The following MIGA2 variants were observed in gnomAD, a reference collection of about 807,000 sequenced individuals.
The protein encoded by MIGA2 is mitoguardin 2.
A neutral mutation model predicts 69.9 loss-of-function variants in MIGA2; 36 were observed. That is an observed-to-expected ratio of 0.52 (90% CI 0.39 to 0.68). The LOEUF (loss-of-function observed/expected upper bound fraction) is 0.68, where lower values mean the gene tolerates loss of function less well. Among genes scored for constraint, MIGA2 ranks in the 30% least tolerant of loss-of-function variants. The pLI is 0.00. For synonymous variants in MIGA2, 333 were observed against 349.2 expected, an observed-to-expected ratio of 0.95 and a Z score of 0.52; for missense variants, 660 against 787.7, an observed-to-expected ratio of 0.84 and a Z score of 1.94.
In MIGA2 at chr9:129,052,106, G is replaced by A. The variant is rs1299525336; in HGVS notation, c.675+2143G>A. ...CTCCCAAAGTGCTGGGATTATAGGC[G>A]TGAGCCACCGCGCCCAGCCTGTAAT... On this transcript the variant is annotated intron_variant, in intron 6 of 15. Coordinates refer to ENST00000684074, the MANE Select transcript of MIGA2 (RefSeq NM_001329990.2). 4.9e-5 allele frequency among the ~76,000 whole-genome samples: 7 copies of A among 142,328 alleles called. No homozygotes were observed. In the East Asian group the frequency reaches 1.3e-3, roughly 27 times the overall value. The allele number at this position is 142,328 out of a possible 152,430, so 93.4% of individuals were successfully genotyped here. A position where few individuals can be genotyped will look rare whatever the true frequency, so the allele number is the denominator to read the frequency against.
intron 1 of MIGA2, among the ~76,000 whole-genome samples, chr9:129,037,534 G>C (rs925422692): frequency 1.3e-5 from 2 of 152,136 alleles, no homozygotes; most frequent in African/African-American, 4.8e-5. Context: ...CGGACAGGGT[G>C]CCAGGGGGAC....
At position 129,049,940 on chromosome 9, in the gene MIGA2, A is replaced by G. The variant is rs1203885937; in HGVS notation, c.652A>G (p.Thr218Ala). 1 of 1,613,350 alleles carries G rather than the reference A, an allele frequency of 6.2e-7. No individual in the cohort carries two copies. Among genetic ancestry groups the G allele is most frequent in the Non-Finnish European group, 8.5e-7 (1 of 1,179,896 alleles). ...CAGGGACGGCCTCCGGAACCCAGAGACTGCATCAGAGCCACTGTCTGAGGT... is the reference window on the plus strand; with the variant it reads ...CAGGGACGGCCTCCGGAACCCAGAGGCTGCATCAGAGCCACTGTCTGAGGT... ...MPRDGLRNPE[T>A]ASEPLSEPES... is the part of the protein sequence containing the mutation. The change falls in exon 6 of 16, where the codon ACT (threonine) becomes GCT (alanine). Residue 218 changes from threonine to alanine, a missense_variant. By Grantham distance (58) the Thr-to-Ala change is moderately conservative (BLOSUM62 0). Transcript: ENST00000684074.
chr9:129,050,157 A>G (rs1301081052), intron 6 of MIGA2, among the ~76,000 whole-genome samples, 194 bp downstream of exon 6: 1 of 152,250 alleles, frequency 6.6e-6, no homozygotes, highest in Non-Finnish European at 1.5e-5. Flanking sequence ...TGGTAAAAAC[A>G]GCCGTACTGA....
intron 15 of MIGA2, 138 bp downstream of exon 15, chr9:129,070,103 A>C: frequency 8.1e-7 from 1 of 1,234,494 alleles, no homozygotes; most frequent in Non-Finnish European, 1.2e-6. Flanking sequence ...ACATGGGTCC[A>C]GAGGAAGCAG....
At chr9:129,049,329 C>G in intron 4 of MIGA2, 52 bp from the exon 5 acceptor site, 1 of 1,566,918 alleles carries the variant, frequency 6.4e-7, no homozygotes, top group South Asian at 1.1e-5. Flanking sequence ...GGGGGCCCTG[C>G]AGAGAGCCCG....
chr9:129,043,021 C>T (rs144874666), intron 3 of MIGA2, among the ~76,000 whole-genome samples: 28 of 152,136 alleles, frequency 1.8e-4, no homozygotes, highest in African/African-American at 6.0e-4. Flanking sequence ...GGTGAAACCC[C>T]GTCTCTACTA....
At chr9:129,047,869 G>A (rs1350370205) in intron 3 of MIGA2, among the ~76,000 whole-genome samples, 1 of 151,894 alleles carries the variant, frequency 6.6e-6, no homozygotes, top group Non-Finnish European at 1.5e-5. Flanking sequence ...AGCTGGGGCT[G>A]CAGGCCACGC....
At position 129,063,584 on chromosome 9, in the gene MIGA2, A is replaced by C. The variant is rs770674869; in HGVS notation, c.1123A>C (p.Lys375Gln). ...EDKSNQLFFG[K>Q]VGRQMVTGLM... Reference sequence around the variant, plus strand: ...CAAGAGTAACCAGCTTTTCTTCGGGAAAGTGGGCCGACAGATGGTGACAGG... The same window carrying C: ...CAAGAGTAACCAGCTTTTCTTCGGGCAAGTGGGCCGACAGATGGTGACAGG... Residue 375 changes from lysine to glutamine, a missense_variant, in exon 11 of 16, where the codon AAA becomes CAA. Physicochemically the swap from Lys to Gln is moderately conservative, Grantham distance 53. This residue lies in a region of MIGA2 where 220 missense variants were observed against 301.7 expected (regional missense o/e 0.73). Transcript: ENST00000684074. The C allele has an allele frequency of 1.9e-6, 3 of 1,609,150 alleles. No individual in the cohort carries two copies. The Admixed American group carries it at 5.0e-5, about 27-fold the overall frequency.
chr9:129,068,992 G>A lies in MIGA2; in HGVS notation c.1405-84G>A. The stretch of plus-strand genomic sequence containing the variant: ...TGGAGTGGGGTGAGCTGGGTTTAAG[G>A]GCTTGGTGCTGGGCTGGCAGAGGGC... On this transcript the variant is annotated intron_variant, in intron 13 of 15. Coordinates refer to ENST00000684074, the MANE Select transcript of MIGA2 (RefSeq NM_001329990.2). This position sits in a 1 kb window ranked among gnomAD's most constrained non-coding sequence, Gnocchi z 4.1. The A allele has an allele frequency of 6.5e-7, 1 of 1,533,258 alleles. No homozygotes were observed. The highest frequency in any genetic ancestry group is 1.1e-5 in the South Asian group (1 of 89,250). 95.0% of individuals were successfully genotyped at this position (1,533,258 alleles called of 1,614,324 possible). A position where few individuals can be genotyped will look rare whatever the true frequency, so the allele number is the denominator to read the frequency against.
In MIGA2 at chr9:129,061,749, CA is replaced by C. The variant is rs1340268350; in HGVS notation, c.1010+404del. ...CCATATGAAAACAAAAGTAAATTCT[CA>C]GCGGGTACAGCCACAGCCACACAGG... is the stretch of plus-strand genomic sequence containing the variant. On this transcript the variant is annotated intron_variant, in intron 9 of 15. Transcript: ENST00000684074. The surrounding 1 kb of genome is among the most constrained non-coding windows in gnomAD (Gnocchi z 5.0). Among the ~76,000 whole-genome samples the C allele has an allele frequency of 6.6e-6, 1 of 152,154 alleles. No individual in the cohort carries two copies. Among genetic ancestry groups the C allele is most frequent in the Non-Finnish European group, 1.5e-5 (1 of 68,028 alleles).
In MIGA2 at chr9:129,067,818, G is replaced by A. The variant is rs979185093; in HGVS notation, c.1216G>A (p.Ala406Thr). ...LESYEEMLSY[A>T]LRPETWATTR... The stretch of plus-strand genomic sequence containing the variant: ...GAGCTACGAGGAGATGCTGAGCTAT[G>A]CCCTGCGGCCCGAGACCTGGGCCAC... The change falls in exon 12 of 16, where the codon GCC (alanine) becomes ACC (threonine). Residue 406 changes from alanine (A) to threonine (T), a missense_variant. Ala to Thr is a moderately conservative substitution (Grantham distance 58). Transcript: ENST00000684074. The A allele has an allele frequency of 1.2e-6, 2 of 1,613,288 alleles. No individual in the cohort carries two copies. Among genetic ancestry groups the A allele is most frequent in the Non-Finnish European group, 1.7e-6 (2 of 1,179,888 alleles).
At position 129,063,636 on chromosome 9, in the gene MIGA2, C is replaced by T; in HGVS notation, c.1170+5C>T. The T allele has an allele frequency of 1.7e-6, 1 of 599,940 alleles. No individual in the cohort carries two copies. Among genetic ancestry groups the T allele is most frequent in the Admixed American group, 2.5e-5 (1 of 40,622 alleles). The allele number at this position is 599,940 out of a possible 1,614,324, so 37.2% of individuals were successfully genotyped here. ...CTGATGACCAAGGCTGAGAAGGTAG[C>T]AGGGGGTGGGGTGGGGGGGCAAATT... On this transcript the variant is annotated splice_donor_5th_base_variant and intron_variant, in intron 11 of 15. Transcript: ENST00000684074.
intron 6 of MIGA2, among the ~76,000 whole-genome samples, chr9:129,051,994 T>G (rs1845570779): frequency 6.6e-6 from 1 of 151,794 alleles, no homozygotes; most frequent in South Asian, 2.1e-4. Context: ...CCCAGCTAAT[T>G]TTTTTGTATT....
At position 129,071,508 on chromosome 9, in the gene MIGA2, C is replaced by G. The variant is rs945652128; in HGVS notation, c.*1055C>G. 1 of 152,208 alleles carries G rather than the reference C, an allele frequency of 6.6e-6. No homozygotes were observed. The highest frequency in any genetic ancestry group is 1.9e-4 in the East Asian group (1 of 5,194). The allele number at this position is 152,208 out of a possible 1,614,324, so 9.4% of individuals were successfully genotyped here. On this transcript the variant is annotated 3_prime_UTR_variant, in exon 16 of 16. Coordinates refer to ENST00000684074, the MANE Select transcript of MIGA2 (RefSeq NM_001329990.2). ...TGAGCGAGTGTCTGTGGCCCCAACG[C>G]GTTCTGCTGTGGCTCTGCCCTTTCC...
chr9:129,067,940 T>C, intron 12 of MIGA2, 69 bp downstream of exon 12: 3 of 1,516,242 alleles, frequency 2.0e-6, no homozygotes, highest in Non-Finnish European at 2.7e-6. Context: ...GGGGTTCTTG[T>C]GCCGAGCTCT....
intron 11 of MIGA2, among the ~76,000 whole-genome samples, chr9:129,064,246 G>A (rs1183504263): frequency 1.3e-5 from 2 of 150,256 alleles, no homozygotes; most frequent in Non-Finnish European, 3.0e-5. Flanking sequence ...TCGCTCTCTC[G>A]CCCAGGCTGG....
chr9:129,067,767 C>G lies in MIGA2; in HGVS notation c.1171-6C>G, dbSNP rs1320699032. On this transcript the variant is annotated splice_region_variant and splice_polypyrimidine_tract_variant and intron_variant, in intron 11 of 15. Transcript: ENST00000684074. ...TGACCAGGATGGGCCGTGCTTCTCT[C>G]CACAGAGCCCCAAAGGCTTCCTGGA... 6.2e-7 allele frequency: 1 copy of G among 1,607,648 alleles called. No homozygotes were observed. Among genetic ancestry groups the G allele is most frequent in the Admixed American group, 1.7e-5 (1 of 59,284 alleles).
Position 129,068,669 on chromosome 9 carries a change from AGAGT to A in MIGA2, c.1404+341_1404+344del. ...CAAAACCAAAAGGAAAAAAAGGCAC[AGAGT>A]GAGAGACAACCCAGCACAGGACCCC... On this transcript the variant is annotated intron_variant, in intron 13 of 15. Transcript: ENST00000684074. This position sits in a 1 kb window ranked among gnomAD's most constrained non-coding sequence, Gnocchi z 4.1. 1 of 413,826 alleles carries A rather than the reference AGAGT, an allele frequency of 2.4e-6. No homozygotes were observed. The highest frequency in any genetic ancestry group is 4.4e-6 in the Non-Finnish European group (1 of 225,532). The allele number at this position is 413,826 out of a possible 1,614,324, so 25.6% of individuals were successfully genotyped here.
intron 9 of MIGA2, 197 bp from the exon 10 acceptor site, chr9:129,063,047 A>T: frequency 1.7e-6 from 1 of 602,474 alleles, no homozygotes; most frequent in Non-Finnish European, 3.0e-6. Flanking sequence ...GAGATCATCC[A>T]GGCAGCCTCG....
Sources: allele counts gnomAD v4.1 joint callset (sites outside exome capture counted in the v4.1 genomes callset), GRCh38; gene constraint gnomAD v4.1.1; regional missense constraint gnomAD v4.1.1; non-coding constraint Gnocchi (gnomAD v3.1); transcripts MANE v1.5; gene names NCBI Gene and HGNC (gene_info 2026-07-23, HGNC 2026-07-21).